The following NRG1 variants were observed in gnomAD, a reference collection of about 807,000 sequenced individuals.
NRG1 encodes the protein pro-neuregulin-1, membrane-bound isoform.
A neutral mutation model predicts 63.8 loss-of-function variants in NRG1; 18 were observed. The ratio of observed to expected loss-of-function variants is 0.28; its 90% confidence interval spans 0.19 to 0.42. The LOEUF is 0.42. Among genes scored for constraint, NRG1 ranks in the 10% least tolerant of loss-of-function variants. The pLI is 1.00. For missense variants in NRG1, 762 were observed against 814.7 expected (o/e 0.94, Z 0.79); for synonymous variants, 302 against 301.3 (o/e 1.00, Z -0.02).
chr8:31,847,083 G>A (rs1826759001), intron 1 of NRG1, among the ~76,000 whole-genome samples: 1 of 152,206 alleles, frequency 6.6e-6, no homozygotes, highest in Admixed American at 6.5e-5. Flanking sequence ...GAAAGGGCTT[G>A]AAAGATCACA....
intron 1 of NRG1, among the ~76,000 whole-genome samples, chr8:31,905,971 G>A (rs936829268): frequency 2.6e-5 from 4 of 152,184 alleles, no homozygotes; most frequent in Admixed American, 6.5e-5. Flanking sequence ...ATGATGAATA[G>A]CGTGAACAAT....
chr8:32,563,323 T>C lies in NRG1; in HGVS notation c.100+14497T>C, dbSNP rs117209014. ...CATAAAGTCTAGGCAAATAGCAAAT[T>C]TGTTTTATGTAGGAAACAGCTTATC... is the stretch of plus-strand genomic sequence containing the variant. On this transcript the variant is annotated intron_variant, in intron 1 of 11. Coordinates refer to ENST00000356819, the Ensembl canonical transcript of NRG1. Among the ~76,000 whole-genome samples, 848 of 152,328 alleles carry C rather than the reference T, an allele frequency of 5.6e-3. 3 individuals carry two copies. Among genetic ancestry groups the C allele is most frequent in the Middle Eastern group, 0.027 (8 of 294 alleles).
intron 6 of NRG1, among the ~76,000 whole-genome samples, chr8:32,733,619 G>T (rs978236307): frequency 1.3e-5 from 2 of 151,936 alleles, no homozygotes; most frequent in African/African-American, 4.8e-5. Flanking sequence ...AAGCATAAAT[G>T]GATTAACATT....
chr8:31,989,547 C>A (rs559085534), intron 1 of NRG1, among the ~76,000 whole-genome samples: 1 of 152,116 alleles, frequency 6.6e-6, no homozygotes, highest in Admixed American at 6.6e-5. Context: ...CTTCCTTTAA[C>A]CTTTAAGCGT....
chr8:32,390,617 AAAG>A (rs71541820), intron 1 of NRG1, among the ~76,000 whole-genome samples: 9 of 150,472 alleles, frequency 6.0e-5, no homozygotes, highest in East Asian at 5.8e-4. Flanking sequence ...AAAAAAAAAA[AAAG>A]AAGAAGAAGA....
At chr8:32,372,343 C>G (rs565094506) in intron 1 of NRG1, among the ~76,000 whole-genome samples, 2 of 152,002 alleles carry the variant, frequency 1.3e-5, no homozygotes, top group Admixed American at 1.3e-4. Context: ...TAAACCCAGG[C>G]TCTGCCATCT....
At position 32,406,350 on chromosome 8, in the gene NRG1, A is replaced by G. The variant is rs568634457; in HGVS notation, c.38-189478A>G. Among the ~76,000 whole-genome samples the G allele has an allele frequency of 3.9e-5, 6 of 152,334 alleles. No individual in the cohort carries two copies. In the South Asian group the frequency reaches 1.2e-3, roughly 32 times the overall value. On this transcript the variant is annotated intron_variant, in intron 1 of 10. Coordinates refer to the NRG1 transcript ENST00000519301. The stretch of plus-strand genomic sequence containing the variant: ...TATCTATGCCTTTGTTTTATCATCT[A>G]TAAAATGGGAATAACCATAGTACCT...
intron 1 of NRG1, among the ~76,000 whole-genome samples, chr8:32,143,808 G>A (rs182983649): frequency 1.7e-4 from 26 of 152,356 alleles, no homozygotes; most frequent in Non-Finnish European, 5.9e-5. Context: ...CCATAGGCAT[G>A]TGTGTGCTAC....
intron 1 of NRG1, among the ~76,000 whole-genome samples, chr8:32,383,343 A>G (rs1227978715): frequency 3.3e-5 from 5 of 152,206 alleles, no homozygotes. Flanking sequence ...CTGCCCTTCT[A>G]TCAGAATGAA....
intron 1 of NRG1, among the ~76,000 whole-genome samples, chr8:32,571,838 A>G (rs1464509994): frequency 6.6e-6 from 1 of 152,144 alleles, no homozygotes; most frequent in Non-Finnish European, 1.5e-5. Flanking sequence ...TGGTAAGACA[A>G]CTCAGTAAAT....
chr8:31,995,933 T>C (rs1811894965), intron 1 of NRG1, among the ~76,000 whole-genome samples: 1 of 152,066 alleles, frequency 6.6e-6, no homozygotes. Context: ...GTATTCCCTA[T>C]GCCCTGTAGT....
In NRG1 at chr8:31,718,452, G is replaced by A. The variant is rs117060030; in HGVS notation, c.37+79021G>A. 3.8e-3 allele frequency among the ~76,000 whole-genome samples: 585 copies of A among 152,230 alleles called. 1 individual carries two copies. Among genetic ancestry groups the A allele is most frequent in the South Asian group, 0.019 (90 of 4,812 alleles). ...AAGCTGCTTCATACTTTATAGCAGG[G>A]CACAGTCACTTCCATAAATACTGTG... is the stretch of plus-strand genomic sequence containing the variant. On this transcript the variant is annotated intron_variant, in intron 1 of 10. Coordinates refer to the NRG1 transcript ENST00000519301.
At chr8:31,739,567 G>A (rs117355764) in intron 1 of NRG1, among the ~76,000 whole-genome samples, 8 of 151,972 alleles carry the variant, frequency 5.3e-5, no homozygotes, top group South Asian at 2.1e-4. Context: ...GTGTAACTAC[G>A]ACTCTGTGTG....
chr8:31,688,899 C>T (rs925004805), intron 1 of NRG1, among the ~76,000 whole-genome samples: 2 of 152,178 alleles, frequency 1.3e-5, no homozygotes, highest in Non-Finnish European at 2.9e-5. Flanking sequence ...GTCTGTCTTA[C>T]TGGGCTAAAA....
At chr8:32,497,924 A>G (rs1202921498) in intron 1 of NRG1, among the ~76,000 whole-genome samples, 5 of 152,148 alleles carry the variant, frequency 3.3e-5, no homozygotes, top group Non-Finnish European at 5.9e-5. Flanking sequence ...CCCGGGTTCA[A>G]GTGATTCTCC....
intron 1 of NRG1, among the ~76,000 whole-genome samples, chr8:32,280,862 C>T (rs982124537): frequency 2.1e-5 from 3 of 140,940 alleles, no homozygotes; most frequent in Non-Finnish European, 3.0e-5. Flanking sequence ...TGGGTTCATG[C>T]TATTCTCCTG....
intron 1 of NRG1, among the ~76,000 whole-genome samples, chr8:32,401,331 T>TA (rs1398499521): frequency 6.6e-6 from 1 of 151,992 alleles, no homozygotes; most frequent in African/African-American, 2.4e-5. Context: ...AATTTAAAAA[T>TA]AAAAAATAAA....
intron 1 of NRG1, among the ~76,000 whole-genome samples, chr8:32,181,836 A>G (rs1841458483): frequency 6.6e-6 from 1 of 152,200 alleles, no homozygotes; most frequent in Non-Finnish European, 1.5e-5. Context: ...TCTATTTATA[A>G]CTGAAAAAAA....
At chr8:32,489,656 A>G (rs1826315127) in intron 1 of NRG1, among the ~76,000 whole-genome samples, 1 of 152,222 alleles carries the variant, frequency 6.6e-6, no homozygotes, top group Non-Finnish European at 1.5e-5. Flanking sequence ...ATATTAAATT[A>G]TGGAAGCTAA....
Sources: allele counts gnomAD v4.1 joint callset (sites outside exome capture counted in the v4.1 genomes callset), GRCh38; gene constraint gnomAD v4.1.1; transcripts MANE v1.5; gene names NCBI Gene and HGNC (gene_info 2026-07-23, HGNC 2026-07-21).